The following SLC25A21 variants were observed in gnomAD, a reference collection of about 807,000 sequenced individuals.
SLC25A21 encodes solute carrier family 25 member 21, also known as mitochondrial 2-oxodicarboxylate carrier.
SLC25A21 carries 47 observed loss-of-function variants against 43.8 expected under a neutral mutation model. That is an observed-to-expected ratio of 1.07 (90% CI 0.85 to 1.37). The LOEUF (loss-of-function observed/expected upper bound fraction) is 1.37. Ranked by LOEUF, SLC25A21 falls within the 40% of genes most tolerant of loss-of-function variation. SLC25A21 has a pLI of 0.00. For missense variants in SLC25A21, 352 were observed against 350.2 expected (o/e 1.00, Z -0.04); for synonymous variants, 131 against 121.3 (o/e 1.08, Z -0.52).
chr14:36,889,306 AC>A (rs1166730409), intron 1 of SLC25A21, among the ~76,000 whole-genome samples: 1 of 152,230 alleles, frequency 6.6e-6, no homozygotes, highest in African/African-American at 2.4e-5. Flanking sequence ...AGAAAAACTT[AC>A]CAAAATGAAA....
intron 1 of SLC25A21, among the ~76,000 whole-genome samples, chr14:37,059,742 G>A (rs1961904793): frequency 6.6e-6 from 1 of 151,692 alleles, no homozygotes; most frequent in African/African-American, 2.4e-5. Flanking sequence ...AACAGGGTCT[G>A]GTGACAATGT....
intron 1 of SLC25A21, among the ~76,000 whole-genome samples, chr14:37,111,160 G>A (rs1169242879): frequency 6.6e-6 from 1 of 152,102 alleles, no homozygotes; most frequent in African/African-American, 2.4e-5. Flanking sequence ...ACTTTTGTTA[G>A]AATGAGAATC....
intron 1 of SLC25A21, among the ~76,000 whole-genome samples, chr14:37,017,841 A>G (rs899091422): frequency 2.0e-5 from 3 of 152,022 alleles, no homozygotes; most frequent in Non-Finnish European, 4.4e-5. Context: ...CACTAAGATA[A>G]TATTTTCCCC....
At chr14:36,824,403 G>GTTTCAAATGAGGACCCAAT (rs1888746032) in intron 2 of SLC25A21, among the ~76,000 whole-genome samples, 1 of 152,172 alleles carries the variant, frequency 6.6e-6, no homozygotes, top group Non-Finnish European at 1.5e-5. Context: ...GTTGTTACCA[G>GTTTCAAATGAGGACCCAAT]TTTCAAATGA....
At chr14:36,770,372 T>C (rs965764240) in intron 3 of SLC25A21, among the ~76,000 whole-genome samples, 2 of 151,746 alleles carry the variant, frequency 1.3e-5, no homozygotes, top group Non-Finnish European at 2.9e-5. Flanking sequence ...CTTCTAGAGG[T>C]GGGAGGGAAG....
chr14:36,685,173 C>T (rs1197500271), intron 7 of SLC25A21, among the ~76,000 whole-genome samples: 1 of 152,130 alleles, frequency 6.6e-6, no homozygotes, highest in Non-Finnish European at 1.5e-5. Context: ...AAACACAGTT[C>T]ATAAAGAAAG....
chr14:36,700,530 C>T (rs1346408436), intron 7 of SLC25A21, among the ~76,000 whole-genome samples: 1 of 152,154 alleles, frequency 6.6e-6, no homozygotes, highest in African/African-American at 2.4e-5. Context: ...GGTCATGTGT[C>T]CACATATTTG....
At chr14:36,736,129 G>A (rs181952366) in intron 3 of SLC25A21, among the ~76,000 whole-genome samples, 5 of 151,942 alleles carry the variant, frequency 3.3e-5, no homozygotes, top group Admixed American at 3.3e-4. Context: ...TAGAGATGGG[G>A]TTTCACCGTG....
chr14:36,968,301 C>A (rs898447803), intron 1 of SLC25A21, among the ~76,000 whole-genome samples: 23 of 152,280 alleles, frequency 1.5e-4, no homozygotes, highest in African/African-American at 5.5e-4. Flanking sequence ...CAGCTAAGCC[C>A]CTCTACTGAG....
intron 3 of SLC25A21, 142 bp downstream of exon 3, chr14:36,813,776 T>C (rs1260627482): frequency 3.2e-6 from 2 of 628,464 alleles, no homozygotes; most frequent in Non-Finnish European, 5.5e-6. Flanking sequence ...TTCAATCACA[T>C]TATTAGGAAA....
At chr14:37,126,904 A>G (rs1256274471) in intron 1 of SLC25A21, among the ~76,000 whole-genome samples, 2 of 152,122 alleles carry the variant, frequency 1.3e-5, no homozygotes, top group Non-Finnish European at 2.9e-5. Context: ...AAGGAACTAT[A>G]TTTTTGCTAC....
chr14:36,756,741 T>C (rs941616128), intron 3 of SLC25A21, among the ~76,000 whole-genome samples: 7 of 152,310 alleles, frequency 4.6e-5, no homozygotes, highest in Middle Eastern at 3.4e-3. Flanking sequence ...TACAGTTCCT[T>C]AGAACCAAAT....
At chr14:36,770,502 G>A (rs1886580508) in intron 3 of SLC25A21, among the ~76,000 whole-genome samples, 1 of 152,118 alleles carries the variant, frequency 6.6e-6, no homozygotes, top group Non-Finnish European at 1.5e-5. Context: ...GCCTGTACAT[G>A]TACCTCCTGA....
At chr14:37,029,968 T>C (rs570035954) in intron 1 of SLC25A21, among the ~76,000 whole-genome samples, 18 of 152,102 alleles carry the variant, frequency 1.2e-4, no homozygotes, top group African/African-American at 3.6e-4. Context: ...TTTCACTATG[T>C]TGTCCAGGCT....
At chr14:36,786,426 C>T (rs1253936808) in intron 3 of SLC25A21, among the ~76,000 whole-genome samples, 3 of 152,212 alleles carry the variant, frequency 2.0e-5, no homozygotes, top group Non-Finnish European at 2.9e-5. Flanking sequence ...ACATATTCTG[C>T]AATATTTCTG....
chr14:37,137,154 C>A (rs985310073), intron 1 of SLC25A21, among the ~76,000 whole-genome samples: 2 of 152,118 alleles, frequency 1.3e-5, no homozygotes, highest in African/African-American at 4.8e-5. Flanking sequence ...CCCGCCACCT[C>A]GCCCAGCTAA....
intron 1 of SLC25A21, among the ~76,000 whole-genome samples, chr14:37,139,246 G>T (rs1028371735): frequency 6.6e-6 from 1 of 152,012 alleles, no homozygotes; most frequent in African/African-American, 2.4e-5. Flanking sequence ...TCAAAAGTCT[G>T]CTAAACATGT....
At chr14:37,147,844 C>CTTTTTTTTTTTTTTTTTTTT (rs61239254) in intron 1 of SLC25A21, among the ~76,000 whole-genome samples, 2 of 126,252 alleles carry the variant, frequency 1.6e-5, no homozygotes, top group Non-Finnish European at 3.2e-5. Context: ...TTTTTCTTTT[C>CTTTTTTTTTTTTTTTTTTTT]TTTTTTTTTT....
chr14:36,857,563 T>G (rs1295702624), intron 2 of SLC25A21, among the ~76,000 whole-genome samples: 2 of 152,234 alleles, frequency 1.3e-5, no homozygotes, highest in African/African-American at 4.8e-5. Flanking sequence ...AAATGACCAG[T>G]GAACAAAATG....
Sources: allele counts gnomAD v4.1 joint callset (sites outside exome capture counted in the v4.1 genomes callset), GRCh38; gene constraint gnomAD v4.1.1; transcripts MANE v1.5; gene names NCBI Gene and HGNC (gene_info 2026-07-23, HGNC 2026-07-21).